The following CHAT variants were observed in gnomAD, a reference collection of about 807,000 sequenced individuals.
CHAT encodes acetyl CoA:choline O-acetyltransferase.
In CHAT, 61 loss-of-function variants were observed where a neutral mutation model predicts 76.9. The observed-to-expected ratio is 0.79, with a 90% confidence interval of 0.65 to 0.98. The LOEUF is 0.98. Among genes scored for constraint, CHAT ranks in the 50% least tolerant of loss-of-function variants. CHAT has a pLI of 0.00. For synonymous variants in CHAT, 407 were observed against 397.4 expected (o/e 1.02, Z -0.29); for missense variants, 946 against 986.9 (o/e 0.96, Z 0.56).
rs372226207 is a variant in CHAT at position 49,665,797 on chromosome 10, G to C, written c.*751G>C. ...ACTCTCTGCTTAGCAGGCGGCATCA[G>C]GGCCAGTCCAAGATGAGTAAACTGC... is the stretch of plus-strand genomic sequence containing the variant. On this transcript the variant is annotated 3_prime_UTR_variant, in exon 15 of 15. Transcript: ENST00000337653. 9.7e-4 allele frequency among the ~76,000 whole-genome samples: 148 copies of C among 152,262 alleles called. No homozygotes were observed. The South Asian group carries it at 0.029, about 30-fold the overall frequency.
chr10:49,615,926 G>A, intron 1 of CHAT: 2 of 1,072,044 alleles, frequency 1.9e-6, no homozygotes, highest in Admixed American at 1.9e-5. Context: ...CCTGGCCACA[G>A]GCCAGGCTCC....
upstream of CHAT, among the ~76,000 whole-genome samples, chr10:49,609,475 G>A (rs1838232559): frequency 6.6e-6 from 1 of 152,014 alleles, no homozygotes; most frequent in South Asian, 2.1e-4. Flanking sequence ...CGGCGGCGGG[G>A]AGAGAAGAGG....
At chr10:49,609,906 G>A (rs373885385), upstream of CHAT, among the ~76,000 whole-genome samples, 1 of 151,996 alleles carries the variant, frequency 6.6e-6, no homozygotes, top group African/African-American at 2.4e-5. Context: ...CTGAAGCGGA[G>A]ATCGCAAGCC....
chr10:49,616,193 A>C (rs1361309203), intron 1 of CHAT: 5 of 1,202,220 alleles, frequency 4.2e-6, no homozygotes, highest in African/African-American at 3.0e-5. Flanking sequence ...GCACTCTGCC[A>C]GCAACCCCTG....
At chr10:49,643,827 C>G (rs147574615) in intron 7 of CHAT, among the ~76,000 whole-genome samples, 71 of 152,340 alleles carry the variant, frequency 4.7e-4, no homozygotes, top group Admixed American at 1.1e-3. Context: ...GTCCATTACC[C>G]AGCATGGACT....
chr10:49,622,103 A>C lies in CHAT; in HGVS notation c.705A>C (p.Ala235=). The C allele has an allele frequency of 8.3e-7, 1 of 1,206,708 alleles. No individual in the cohort carries two copies. The highest frequency in any genetic ancestry group is 1.0e-6 in the Non-Finnish European group (1 of 954,112). The allele number at this position is 1,206,708 out of a possible 1,614,324, so 74.8% of individuals were successfully genotyped here. ...FPGTDDQLRF[A]ASLISGVLSY... ...GCCTCCCTTCTCCCTGCAGGTTTGC[A>C]GCCAGCCTCATCTCTGGTGTACTCA... is the stretch of plus-strand genomic sequence containing the variant. Residue 235 remains alanine, a synonymous_variant, in exon 5 of 15, where the codon GCA becomes GCC. Transcript: ENST00000337653.
In CHAT at chr10:49,646,591, G is replaced by A. The variant is rs8178991; in HGVS notation, c.1198G>A (p.Asp400Asn). ...CGCGCCAGGAGGCGTGGAGCTCAGC[G>A]ACACCCACAGGGCACTCCAGCTCCT... Reference protein sequence around the residue: ...LDAPGGVELSDTHRALQLLHG... With the variant: ...LDAPGGVELSNTHRALQLLHG... The change falls in exon 8 of 15, where the codon GAC (aspartate) becomes AAC (asparagine). Residue 400 changes from aspartate (D) to asparagine (N), a missense_variant. By Grantham distance (23) the Asp-to-Asn change is conservative (BLOSUM62 1). Around this residue, in one of 3 missense-constraint regions of CHAT, gnomAD observed 49 missense variants for 76.7 expected, o/e 0.64. Transcript: ENST00000337653. 0.018 allele frequency: 29,031 copies of A among 1,614,240 alleles called. 344 individuals are homozygous for A. Among genetic ancestry groups the A allele is most frequent in the Non-Finnish European group, 0.022 (25,439 of 1,180,042 alleles).
In CHAT at chr10:49,614,100, A is replaced by C. The variant is rs1299970377; in HGVS notation, c.-90A>C. Reference sequence around the variant, plus strand: ...TGTTCTGTGCCCCCTTCTAGAGCCTAAATTTGTTGCCCGAGTTCCTCCGGG... The same window carrying C: ...TGTTCTGTGCCCCCTTCTAGAGCCTCAATTTGTTGCCCGAGTTCCTCCGGG... On this transcript the variant is annotated 5_prime_UTR_variant, in exon 1 of 15. Transcript: ENST00000337653. 3.2e-6 allele frequency: 5 copies of C among 1,543,876 alleles called. No individual in the cohort carries two copies. The East Asian group carries it at 1.2e-4, about 38-fold the overall frequency.
chr10:49,642,088 A>G (rs190210142), intron 7 of CHAT, among the ~76,000 whole-genome samples: 2 of 152,222 alleles, frequency 1.3e-5, no homozygotes, highest in Admixed American at 6.5e-5. Context: ...GGCTCCTCCT[A>G]TTACTCAATC....
intron 2 of CHAT, among the ~76,000 whole-genome samples, chr10:49,619,289 T>C (rs1036353243): frequency 6.6e-6 from 1 of 152,204 alleles, no homozygotes; most frequent in African/African-American, 2.4e-5. Context: ...AACAGGACTA[T>C]TTCATCTTAG....
rs1003802672 is a variant in CHAT at position 49,614,616 on chromosome 10, C to T, written c.286+141C>T. ...CCTCTGAGTCCTGCGCAGCAGCGGCCGTCGGGGGTCAGCTAGGAAGCTGCA... is the reference window on the plus strand; with the variant it reads ...CCTCTGAGTCCTGCGCAGCAGCGGCTGTCGGGGGTCAGCTAGGAAGCTGCA... On this transcript the variant is annotated intron_variant, in intron 1 of 14. Transcript: ENST00000337653. 2.3e-5 allele frequency: 17 copies of T among 755,018 alleles called. No homozygotes were observed. The African/African-American group carries it at 2.3e-4, about 10-fold the overall frequency. The allele number at this position is 755,018 out of a possible 1,614,324, so 46.8% of individuals were successfully genotyped here.
chr10:49,621,256 A>G (rs531179843), intron 4 of CHAT, among the ~76,000 whole-genome samples: 1 of 152,232 alleles, frequency 6.6e-6, no homozygotes, highest in East Asian at 1.9e-4. Context: ...GCCCGAGGAC[A>G]AGAGGCAGGG....
rs756138129 is a variant in CHAT, at chr10:49,616,589, G to A, written c.374G>A (p.Ser125Asn). The A allele has an allele frequency of 6.8e-6, 11 of 1,608,948 alleles. No homozygotes were observed. Among genetic ancestry groups the A allele is most frequent in the South Asian group, 5.5e-5 (5 of 90,328 alleles). ...CGTAAGATGGCAGCAAAAACTCCCA[G>A]CAGTGAGGAGTCTGTGAGTGACTTT... ...VPRKMAAKTP[S>N]SEESGLPKLP... The change falls in exon 2 of 15, where the codon AGC (serine) becomes AAC (asparagine). Residue 125 changes from serine (S) to asparagine (N), a missense_variant. By Grantham distance (46) the Ser-to-Asn change is conservative (BLOSUM62 1). Coordinates refer to ENST00000337653, the MANE Select transcript of CHAT (RefSeq NM_020549.5).
In CHAT at chr10:49,614,387, C is replaced by G; in HGVS notation, c.198C>G (p.Arg66=). 2.6e-6 allele frequency: 4 copies of G among 1,544,712 alleles called. No individual in the cohort carries two copies. The highest frequency in any genetic ancestry group is 3.5e-6 in the Non-Finnish European group (4 of 1,144,384). ...GCSPHPRAAT[R]PPPLPAHTPA... is the part of the protein sequence containing the mutation. Reference sequence around the variant, plus strand: ...GCCCCCACCCCCGCGCTGCGACACGCCCCCCACCCCTTCCGGCTCACACCC... The same window carrying G: ...GCCCCCACCCCCGCGCTGCGACACGGCCCCCACCCCTTCCGGCTCACACCC... The change falls in exon 1 of 15, where the codon CGC becomes CGG. Residue 66 remains arginine (R), a synonymous_variant. Transcript: ENST00000337653.
At chr10:49,629,711 C>T (rs543974274) in intron 7 of CHAT, among the ~76,000 whole-genome samples, 33 of 152,306 alleles carry the variant, frequency 2.2e-4, no homozygotes, top group African/African-American at 4.6e-4. Flanking sequence ...GAGGGAAATG[C>T]GACAGAAAGG....
chr10:49,633,005 G>A (rs1238234031), intron 7 of CHAT, among the ~76,000 whole-genome samples: 1 of 152,200 alleles, frequency 6.6e-6, no homozygotes, highest in Non-Finnish European at 1.5e-5. Flanking sequence ...TCCTCTGGGG[G>A]CCCAAAGCAC....
chr10:49,610,641 G>A, upstream of CHAT: 1 of 1,268,368 alleles, frequency 7.9e-7, no homozygotes, highest in Middle Eastern at 2.7e-4. Flanking sequence ...TGCTCGGCCA[G>A]GACAGCCTCC....
At chr10:49,638,129 G>C (rs1210114944) in intron 7 of CHAT, among the ~76,000 whole-genome samples, 4 of 152,126 alleles carry the variant, frequency 2.6e-5, no homozygotes, top group African/African-American at 9.7e-5. Context: ...GCTTGGTATA[G>C]ATGCATTTAG....
intron 5 of CHAT, among the ~76,000 whole-genome samples, chr10:49,624,725 ATGGAC>A (rs1838852971): frequency 7.4e-5 from 3 of 40,614 alleles, no homozygotes; most frequent in Non-Finnish European, 2.4e-4. Context: ...GGAAGGATGG[ATGGAC>A]GGATGGATGG....
Sources: allele counts gnomAD v4.1 joint callset (sites outside exome capture counted in the v4.1 genomes callset), GRCh38; gene constraint gnomAD v4.1.1; regional missense constraint gnomAD v4.1.1; transcripts MANE v1.5; gene names NCBI Gene and HGNC (gene_info 2026-07-23, HGNC 2026-07-21).